The following TAF15 variants were observed in gnomAD, a reference collection of about 807,000 sequenced individuals.
TAF15 encodes the protein TATA-box binding protein associated factor 15, also known as TATA-binding protein-associated factor 2N.
A neutral mutation model predicts 102.5 loss-of-function variants in TAF15; 37 were observed. That is an observed-to-expected ratio of 0.36 (90% CI 0.28 to 0.47). The LOEUF is 0.47. TAF15 is among the 20% of genes least tolerant of loss of function. The pLI, the probability that TAF15 is intolerant of heterozygous loss-of-function variation, is 0.99. For missense variants in TAF15, 652 were observed against 760.7 expected (o/e 0.86, Z 1.68); for synonymous variants, 273 against 259.2 (o/e 1.05, Z -0.51).
intron 6 of TAF15, among the ~76,000 whole-genome samples, chr17:35,823,266 G>C (rs763610672): frequency 6.6e-6 from 1 of 152,172 alleles, no homozygotes; most frequent in Non-Finnish European, 1.5e-5. Context: ...AGTGCTTGTT[G>C]AATAATTGAA....
At chr17:35,834,482 T>C in intron 8 of TAF15, 84 bp from the exon 9 acceptor site, 2 of 1,315,266 alleles carry the variant, frequency 1.5e-6, no homozygotes, top group Non-Finnish European at 2.2e-6. Context: ...TGACTTTTCA[T>C]GCCTTGGTTT....
In TAF15 at chr17:35,844,646, C is replaced by T. The variant is rs145295353; in HGVS notation, c.1347C>T (p.Asp449=). 2.5e-4 allele frequency: 398 copies of T among 1,568,556 alleles called. 1 individual carries two copies. In the African/African-American group the frequency reaches 4.1e-3, roughly 16 times the overall value. Reference sequence around the variant, plus strand: ...GAAGTGGGGGCGGCTATGGTGGAGACAGAAGTGGGGGTGGCTATGGTGGGG... The same window carrying T: ...GAAGTGGGGGCGGCTATGGTGGAGATAGAAGTGGGGGTGGCTATGGTGGGG... ...GDRSGGGYGG[D]RSGGGYGGDR... is the part of the protein sequence containing the mutation. The change falls in exon 15 of 16, where the codon GAC becomes GAT. Residue 449 remains aspartate (D), a synonymous_variant. Transcript: ENST00000605844.
At chr17:35,819,504 A>G (rs757967273) in intron 2 of TAF15, among the ~76,000 whole-genome samples, 1 of 152,186 alleles carries the variant, frequency 6.6e-6, no homozygotes, top group Non-Finnish European at 1.5e-5. Flanking sequence ...GGGGATAAAC[A>G]TGCCTCTAAT....
In TAF15 at chr17:35,820,185, A is replaced by G. The variant is rs1220399747; in HGVS notation, c.121A>G (p.Thr41Ala). 3.1e-6 allele frequency: 5 copies of G among 1,613,980 alleles called. No homozygotes were observed. The highest frequency in any genetic ancestry group is 4.2e-6 in the Non-Finnish European group (5 of 1,179,966). ...ASQSYSGYGQ[T>A]TDSSYGQNYS... ...TCAGAGCTATTCTGGCTATGGGCAA[A>G]CGACTGATTCCTCTTATGGACAGAA... Residue 41 changes from threonine (T) to alanine (A), a missense_variant, in exon 4 of 16, where the codon ACG becomes GCG. By Grantham distance (58) the Thr-to-Ala change is moderately conservative. This residue lies in a region of TAF15 where 243 missense variants were observed against 284.1 expected (regional missense o/e 0.86). Transcript: ENST00000605844.
intron 7 of TAF15, among the ~76,000 whole-genome samples, chr17:35,832,603 A>T (rs2087420663): frequency 6.6e-6 from 1 of 150,918 alleles, no homozygotes; most frequent in African/African-American, 2.4e-5. Flanking sequence ...CTAAGCAGTG[A>T]GAGACTTCAG....
At chr17:35,845,998 G>T (rs1418065840) in intron 15 of TAF15, among the ~76,000 whole-genome samples, 1 of 152,212 alleles carries the variant, frequency 6.6e-6, no homozygotes, top group East Asian at 1.9e-4. Context: ...TGGAGATACT[G>T]ATAACTTTTC....
rs1049854500 is a variant in TAF15, at chr17:35,840,888, C to A, written c.914-1479C>A. Reference sequence around the variant, plus strand: ...CAAAAAAAAAAATGAAATTGTAGTACCCTGTCTGTCCCCGTCTCTGTATTC... The same window carrying A: ...CAAAAAAAAAAATGAAATTGTAGTAACCTGTCTGTCCCCGTCTCTGTATTC... On this transcript the variant is annotated intron_variant, in intron 11 of 15. Coordinates refer to ENST00000605844, the MANE Select transcript of TAF15 (RefSeq NM_139215.3). 3.3e-5 allele frequency among the ~76,000 whole-genome samples: 5 copies of A among 152,000 alleles called. 1 individual carries two copies. Among genetic ancestry groups the A allele is most frequent in the Admixed American group, 6.6e-5 (1 of 15,246 alleles).
chr17:35,825,077 CA>C (rs1316314875), intron 7 of TAF15, among the ~76,000 whole-genome samples: 1 of 152,172 alleles, frequency 6.6e-6, no homozygotes, highest in Middle Eastern at 3.2e-3. Flanking sequence ...AGTCATATAT[CA>C]GCACCAGTTC....
chr17:35,814,468 G>C (rs1291558101), intron 1 of TAF15, among the ~76,000 whole-genome samples: 1 of 151,720 alleles, frequency 6.6e-6, no homozygotes, highest in African/African-American at 2.4e-5. Flanking sequence ...GCACCCAGCT[G>C]ATTTTTTTTT....
intron 7 of TAF15, among the ~76,000 whole-genome samples, chr17:35,831,876 A>G (rs997708554): frequency 5.3e-5 from 8 of 151,884 alleles, no homozygotes; most frequent in African/African-American, 1.9e-4. Context: ...AGGTCAGGAG[A>G]TCGAGACCAT....
At chr17:35,833,732 A>G in intron 7 of TAF15, 175 bp from the exon 8 acceptor site, 4 of 629,680 alleles carry the variant, frequency 6.4e-6, no homozygotes, top group Non-Finnish European at 8.4e-6. Context: ...TCCTTGGGAA[A>G]ACACTTAGAT....
chr17:35,841,802 ATCC>A (rs756411222), intron 11 of TAF15, among the ~76,000 whole-genome samples: 9 of 151,758 alleles, frequency 5.9e-5, no homozygotes, highest in Non-Finnish European at 1.3e-4. Flanking sequence ...GGCTCAAGTA[ATCC>A]TCCTGCCTCA....
At chr17:35,838,681 C>T in intron 11 of TAF15, 128 bp downstream of exon 11, 3 of 1,391,176 alleles carry the variant, frequency 2.2e-6, no homozygotes, top group Non-Finnish European at 3.0e-6. Flanking sequence ...GAATACAGGT[C>T]AGAATTTTTA....
intron 5 of TAF15, among the ~76,000 whole-genome samples, chr17:35,821,105 AATT>A: frequency 6.6e-6 from 1 of 152,320 alleles, no homozygotes; most frequent in East Asian, 1.9e-4. Context: ...AGGGTAAAGA[AATT>A]ATTTGGCCTA....
In TAF15 at chr17:35,844,851, G is replaced by A. The variant is rs749020123; in HGVS notation, c.1552G>A (p.Asp518Asn). The change falls in exon 15 of 16, where the codon GAT (aspartate) becomes AAT (asparagine). Residue 518 changes from aspartate (D) to asparagine (N), a missense_variant. Asp to Asn is a conservative substitution (Grantham distance 23). This residue lies in a region of TAF15 where 368 missense variants were observed against 367.5 expected (regional missense o/e 1.00). Transcript: ENST00000605844. ...AGGAGATCGAGGAGGTTATGGAGGA[G>A]ATCGAGGAGGCTATGGAGGAGACAG... The part of the protein sequence containing the change: ...YGGDRGGYGG[D>N]RGGYGGDRSR... 6.9e-6 allele frequency: 11 copies of A among 1,603,962 alleles called. 1 individual carries two copies. The South Asian group carries it at 1.2e-4, about 18-fold the overall frequency.
intron 7 of TAF15, 36 bp downstream of exon 7, chr17:35,824,234 T>C (rs1196373980): frequency 2.5e-6 from 4 of 1,595,848 alleles, no homozygotes; most frequent in Middle Eastern, 1.7e-4. Context: ...CATTTCTTCT[T>C]CTTCCTCTTT....
intron 7 of TAF15, among the ~76,000 whole-genome samples, chr17:35,827,581 C>T (rs2087346719): frequency 6.6e-6 from 1 of 151,890 alleles, no homozygotes; most frequent in African/African-American, 2.4e-5. Flanking sequence ...TGGTGGGTGC[C>T]TATAATCCCA....
chr17:35,825,080 C>T (rs189268270), intron 7 of TAF15, among the ~76,000 whole-genome samples: 2 of 152,276 alleles, frequency 1.3e-5, no homozygotes, highest in Non-Finnish European at 2.9e-5. Flanking sequence ...CATATATCAG[C>T]ACCAGTTCAT....
chr17:35,834,740 CTTTTTTT>C (rs533058888), intron 9 of TAF15, 142 bp downstream of exon 9: 133 of 236,382 alleles, frequency 5.6e-4, no homozygotes, highest in East Asian at 7.4e-4. Flanking sequence ...AGCTTTATTT[CTTTTTTT>C]TTTTTTTTTT....
Sources: gnomAD v4.1 joint callset for allele counts (sites outside exome capture counted in the v4.1 genomes callset) on GRCh38, gnomAD v4.1.1 for gene constraint, gnomAD v4.1.1 regional missense constraint, MANE v1.5 for transcripts, NCBI Gene and HGNC (gene_info 2026-07-23, HGNC 2026-07-21) for gene names.